RTN4: variants seen among roughly 807,000 people sequenced by gnomAD.
The protein encoded by RTN4 is reticulon-4.
RTN4 carries 32 observed loss-of-function variants against 90.4 expected under a neutral mutation model. The ratio of observed to expected loss-of-function variants is 0.35; its 90% CI spans 0.27 to 0.48. The LOEUF is 0.48. RTN4 is among the 20% of genes least tolerant of loss of function. RTN4 has a pLI of 0.99. For synonymous variants in RTN4, 629 were observed against 552.5 expected (o/e 1.14, Z -1.94); for missense variants, 1,706 against 1,430.2 (o/e 1.19, Z -3.11).
At chr2:55,021,990 C>A (rs1231456029) in intron 3 of RTN4, among the ~76,000 whole-genome samples, 1 of 152,182 alleles carries the variant, frequency 6.6e-6, no homozygotes, top group African/African-American at 2.4e-5. Context: ...AGAGAATGCC[C>A]AAGCATTGCT....
intron 1 of RTN4, among the ~76,000 whole-genome samples, chr2:55,036,326 A>T (rs181267990): frequency 9.9e-5 from 15 of 152,132 alleles, no homozygotes; most frequent in Admixed American, 6.5e-5. Flanking sequence ...AATAGGTCGC[A>T]CGCAGTGGCT....
intron 2 of RTN4, among the ~76,000 whole-genome samples, chr2:55,069,113 G>C (rs973363791): frequency 2.0e-5 from 3 of 152,190 alleles, no homozygotes; most frequent in African/African-American, 7.2e-5. Flanking sequence ...CAGACTTTCT[G>C]AAGAAATCTC....
intron 1 of RTN4, among the ~76,000 whole-genome samples, chr2:55,106,216 C>T (rs1667940564): frequency 6.6e-6 from 1 of 152,062 alleles, no homozygotes; most frequent in African/African-American, 2.4e-5. Context: ...CAAATCCTTC[C>T]TCATCTGTAG....
At chr2:54,996,650 T>G (rs559167938) in intron 3 of RTN4, among the ~76,000 whole-genome samples, 46 of 152,370 alleles carry the variant, frequency 3.0e-4, no homozygotes, top group Non-Finnish European at 5.9e-4. Flanking sequence ...ACAAATGACG[T>G]TGGATTCTTC....
Position 55,068,042 on chromosome 2 carries a change from G to C in RTN4, c.-63+12447C>G, listed in dbSNP as rs575671089. Among the ~76,000 whole-genome samples the C allele has an allele frequency of 2.0e-5, 3 of 152,278 alleles. No individual in the cohort carries two copies. In the South Asian group the frequency reaches 6.2e-4, roughly 32 times the overall value. ...TATCTACTTCTGCATTCAATCTGTT[G>C]AAATCTGTTGTTTTGGTTGAAGTAT... On this transcript the variant is annotated intron_variant, in intron 2 of 3. Coordinates refer to the RTN4 transcript ENST00000427710.
intron 1 of RTN4, among the ~76,000 whole-genome samples, chr2:55,103,109 G>GA (rs34149411): frequency 0.47 from 51,435 of 110,190 alleles, 10,749 homozygotes; most frequent in East Asian, 0.76. Flanking sequence ...CAAAACTCCG[G>GA]AAAAAAAAAA....
rs1160891160 is a variant in RTN4, at chr2:54,992,913, C to CA, written c.3014-5216dup. Reference sequence around the variant, plus strand: ...TGAAACCCCGTCTCTACTAAAAATACAAAAAAAAAAATTAGCCGGGCTTGG... The same window carrying CA: ...TGAAACCCCGTCTCTACTAAAAATACAAAAAAAAAAAATTAGCCGGGCTTGG... On this transcript the variant is annotated intron_variant, in intron 3 of 8. Transcript: ENST00000337526. Among the ~76,000 whole-genome samples the CA allele has an allele frequency of 1.2e-3, 175 of 143,342 alleles. 1 individual carries two copies. The highest frequency in any genetic ancestry group is 0.011 in the Middle Eastern group (3 of 282). The allele number at this position is 143,342 out of a possible 152,430, so 94.0% of individuals were successfully genotyped here.
chr2:55,010,052 T>C (rs1553438789), intron 3 of RTN4: 6 of 1,607,092 alleles, frequency 3.7e-6, no homozygotes, highest in African/African-American at 1.3e-5. Flanking sequence ...TGGTCACATA[T>C]AAAAACTGAA....
At chr2:55,088,104 G>A (rs954039243) in intron 1 of RTN4, among the ~76,000 whole-genome samples, 1 of 152,194 alleles carries the variant, frequency 6.6e-6, no homozygotes, top group Admixed American at 6.5e-5. Context: ...TGCCTTGTAT[G>A]CACAGCTAGC....
At chr2:54,991,003 C>T (rs936560920) in intron 3 of RTN4, among the ~76,000 whole-genome samples, 34 of 152,088 alleles carry the variant, frequency 2.2e-4, no homozygotes, top group African/African-American at 7.7e-4. Context: ...AGGATGGTCT[C>T]GATCTGCTGA....
chr2:54,997,313 T>G (rs187448590), intron 3 of RTN4, among the ~76,000 whole-genome samples: 51 of 152,160 alleles, frequency 3.4e-4, no homozygotes, highest in Non-Finnish European at 5.6e-4. Context: ...GAGATACCAC[T>G]TCATACCCCC....
intron 1 of RTN4, among the ~76,000 whole-genome samples, chr2:55,046,636 A>G (rs1442861859): frequency 6.6e-6 from 1 of 152,162 alleles, no homozygotes; most frequent in African/African-American, 2.4e-5. Context: ...TACTCTCCCA[A>G]GGGGGAGCAT....
chr2:55,021,358 G>T (rs143313897), intron 3 of RTN4, among the ~76,000 whole-genome samples: 176 of 150,726 alleles, frequency 1.2e-3, no homozygotes, highest in African/African-American at 4.2e-3. Flanking sequence ...TGCATAAAGC[G>T]CAAAACTTTG....
chr2:55,137,782 C>T, the RTN4 span, among the ~76,000 whole-genome samples: 1 of 152,156 alleles, frequency 6.6e-6, no homozygotes, highest in East Asian at 1.9e-4. Flanking sequence ...CACATGGGCA[C>T]AAAGCTCTGG....
intron 2 of RTN4, among the ~76,000 whole-genome samples, chr2:55,080,035 G>A (rs1379031501): frequency 1.3e-5 from 2 of 152,004 alleles, no homozygotes; most frequent in African/African-American, 4.8e-5. Context: ...TCTTATTTTG[G>A]GGGGACAGGG....
the RTN4 span, among the ~76,000 whole-genome samples, chr2:55,131,087 GTTTT>G: frequency 6.6e-6 from 1 of 151,414 alleles, no homozygotes; most frequent in Non-Finnish European, 1.5e-5. Flanking sequence ...GTTTTGGGGG[GTTTT>G]TTTTGACATA....
the RTN4 span, among the ~76,000 whole-genome samples, chr2:55,137,167 T>A: frequency 6.6e-6 from 1 of 152,110 alleles, no homozygotes; most frequent in Non-Finnish European, 1.5e-5. Flanking sequence ...AGGATGAGAA[T>A]TCACCAAGCA....
At chr2:55,046,994 C>G (rs1370291929) in intron 1 of RTN4, 1 of 152,190 alleles carries the variant, frequency 6.6e-6, no homozygotes. Context: ...TTTCTTTGTT[C>G]CCATACCAAT....
chr2:55,128,433 T>C, the RTN4 span, among the ~76,000 whole-genome samples: 32 of 152,246 alleles, frequency 2.1e-4, no homozygotes, highest in South Asian at 4.2e-4. Flanking sequence ...CTCTCTCCGA[T>C]GAGGAAAACG....
Sources: gnomAD v4.1 joint callset for allele counts (sites outside exome capture counted in the v4.1 genomes callset) on GRCh38, gnomAD v4.1.1 for gene constraint, MANE v1.5 for transcripts, NCBI Gene and HGNC (gene_info 2026-07-23, HGNC 2026-07-21) for gene names.